The following TMEM132C variants were observed in gnomAD, a reference collection of about 807,000 sequenced individuals.
The protein encoded by TMEM132C is transmembrane protein 132C.
Under a neutral mutation model 61.4 loss-of-function variants are expected in TMEM132C, and 29 were observed. That is an observed-to-expected ratio of 0.47 (90% CI 0.35 to 0.64). The LOEUF (loss-of-function observed/expected upper bound fraction) is 0.64, where lower values mean the gene tolerates loss of function less well. Ranked by LOEUF, TMEM132C falls within the 30% of genes least tolerant of loss-of-function variation. The probability of loss-of-function intolerance (pLI) is 0.00; values close to 1 mark genes in which losing one functional copy is unlikely to be tolerated. For synonymous variants in TMEM132C, 656 were observed against 633.1 expected, an observed-to-expected ratio of 1.04 and a Z score of -0.54; for missense variants, 1,408 against 1,476.9, an observed-to-expected ratio of 0.95 and a Z score of 0.76.
intron 5 of TMEM132C, among the ~76,000 whole-genome samples, chr12:128,692,464 A>T (rs941247208): frequency 2.0e-5 from 3 of 152,248 alleles, no homozygotes; most frequent in African/African-American, 7.2e-5. Context: ...AAGCTTGGCT[A>T]TTCAACAGGG....
intron 2 of TMEM132C, among the ~76,000 whole-genome samples, chr12:128,488,558 G>T (rs1044577364): frequency 6.6e-6 from 1 of 152,058 alleles, no homozygotes; most frequent in Admixed American, 6.5e-5. Flanking sequence ...CTACTGGGGA[G>T]GCTGAGGCAG....
intron 3 of TMEM132C, among the ~76,000 whole-genome samples, chr12:128,606,385 T>C (rs1353903149): frequency 6.6e-6 from 1 of 152,190 alleles, no homozygotes; most frequent in Non-Finnish European, 1.5e-5. Context: ...AACTGGAAGC[T>C]CCCATAGTCT....
At chr12:128,378,263 T>C (rs569994480) in intron 1 of TMEM132C, among the ~76,000 whole-genome samples, 6 of 152,148 alleles carry the variant, frequency 3.9e-5, no homozygotes, top group Non-Finnish European at 8.8e-5. Flanking sequence ...TACAGGAGCC[T>C]GCCACCATGC....
At chr12:128,621,199 G>A (rs780778511) in intron 4 of TMEM132C, among the ~76,000 whole-genome samples, 1 of 152,148 alleles carries the variant, frequency 6.6e-6, no homozygotes, top group Admixed American at 6.5e-5. Flanking sequence ...AGGCACCAGA[G>A]AGAACTGGAG....
At chr12:128,680,880 TA>T (rs35851487) in intron 5 of TMEM132C, among the ~76,000 whole-genome samples, 1 of 152,210 alleles carries the variant, frequency 6.6e-6, no homozygotes, top group African/African-American at 2.4e-5. Flanking sequence ...TGAGTGCACT[TA>T]AATGGAAAGA....
At chr12:128,565,004 A>G (rs1361919597) in intron 3 of TMEM132C, among the ~76,000 whole-genome samples, 1 of 152,216 alleles carries the variant, frequency 6.6e-6, no homozygotes, top group Non-Finnish European at 1.5e-5. Flanking sequence ...TATTATAACT[A>G]ATTAACAAAA....
intron 3 of TMEM132C, among the ~76,000 whole-genome samples, chr12:128,592,055 A>G (rs1409313085): frequency 9.6e-6 from 1 of 104,474 alleles, no homozygotes; most frequent in Non-Finnish European, 2.0e-5. Context: ...CAAAAAAAAA[A>G]AAAGAAAAAA....
intron 1 of TMEM132C, among the ~76,000 whole-genome samples, chr12:128,315,098 G>A (rs1872107551): frequency 6.6e-6 from 1 of 152,206 alleles, no homozygotes; most frequent in Non-Finnish European, 1.5e-5. Context: ...GTCTCGGAAG[G>A]TTCTTCAATG....
At chr12:128,516,028 T>C (rs1872707101) in intron 2 of TMEM132C, among the ~76,000 whole-genome samples, 1 of 152,190 alleles carries the variant, frequency 6.6e-6, no homozygotes. Flanking sequence ...GAGGTCCTTG[T>C]ACTTAGAAAC....
In TMEM132C at chr12:128,446,188, C is replaced by T. The variant is rs186043461; in HGVS notation, c.974+30568C>T. Among the ~76,000 whole-genome samples, 51 of 152,270 alleles carry T rather than the reference C, an allele frequency of 3.3e-4. No individual in the cohort carries two copies. The South Asian group carries it at 3.9e-3, about 12-fold the overall frequency. On this transcript the variant is annotated intron_variant, in intron 2 of 8. Transcript: ENST00000435159. ...CTCCCCATGACCAGGGTGAAATCAG[C>T]GGCAATTTCACAGCAGTCAAACTCA... is the stretch of plus-strand genomic sequence containing the variant.
intron 2 of TMEM132C, among the ~76,000 whole-genome samples, chr12:128,534,265 G>C (rs886716450): frequency 2.0e-5 from 3 of 152,152 alleles, no homozygotes; most frequent in African/African-American, 7.2e-5. Flanking sequence ...AGTGATCAAC[G>C]TGCCTTGTAG....
chr12:128,545,068 C>A (rs1470380742), intron 3 of TMEM132C, among the ~76,000 whole-genome samples: 1 of 152,162 alleles, frequency 6.6e-6, no homozygotes, highest in Non-Finnish European at 1.5e-5. Flanking sequence ...GATCCCATCA[C>A]CCAAGTGGTG....
intron 3 of TMEM132C, among the ~76,000 whole-genome samples, chr12:128,571,720 T>C (rs945211031): frequency 3.3e-5 from 5 of 152,152 alleles, no homozygotes; most frequent in African/African-American, 1.2e-4. Context: ...CTAACTGAAA[T>C]CTGTTGCAGA....
intron 5 of TMEM132C, among the ~76,000 whole-genome samples, chr12:128,686,340 C>T (rs1954676965): frequency 6.6e-6 from 1 of 152,180 alleles, no homozygotes; most frequent in Admixed American, 6.5e-5. Context: ...ATTTAATCCT[C>T]TATAGATTTG....
At chr12:128,616,942 C>T (rs992511513) in intron 4 of TMEM132C, among the ~76,000 whole-genome samples, 5 of 152,156 alleles carry the variant, frequency 3.3e-5, no homozygotes, top group African/African-American at 7.2e-5. Context: ...GTGAATCATG[C>T]TATGAGAAAT....
intron 1 of TMEM132C, among the ~76,000 whole-genome samples, chr12:128,400,563 A>T (rs1875119321): frequency 6.6e-6 from 1 of 150,434 alleles, no homozygotes; most frequent in South Asian, 2.1e-4. Context: ...ACTGCCCGCT[A>T]GATGCTAACA....
chr12:128,279,255 C>G lies in TMEM132C; in HGVS notation c.85+11768C>G, dbSNP rs78905247. ...GAACTGGCCACATAAAAGGAATATACTTCAGAGACAGAATTGGTGCTGTCA... is the reference window on the plus strand; with the variant it reads ...GAACTGGCCACATAAAAGGAATATAGTTCAGAGACAGAATTGGTGCTGTCA... On this transcript the variant is annotated intron_variant, in intron 1 of 8. Coordinates refer to ENST00000435159, the MANE Select transcript of TMEM132C (RefSeq NM_001136103.3). 5.0e-3 allele frequency among the ~76,000 whole-genome samples: 769 copies of G among 152,280 alleles called. 3 individuals carry two copies. Among genetic ancestry groups the G allele is most frequent in the African/African-American group, 0.018 (728 of 41,544 alleles).
chr12:128,509,885 A>C (rs1872515591), intron 2 of TMEM132C, among the ~76,000 whole-genome samples: 1 of 152,240 alleles, frequency 6.6e-6, no homozygotes, highest in African/African-American at 2.4e-5. Context: ...AAAAGAACGT[A>C]TTATTCTGTT....
intron 3 of TMEM132C, among the ~76,000 whole-genome samples, chr12:128,595,070 G>A (rs528155872): frequency 3.9e-5 from 6 of 152,186 alleles, no homozygotes; most frequent in Non-Finnish European, 8.8e-5. Context: ...CACCGCCATC[G>A]GTGAAGCTGG....
Sources: allele counts gnomAD v4.1 joint callset (sites outside exome capture counted in the v4.1 genomes callset), GRCh38; gene constraint gnomAD v4.1.1; transcripts MANE v1.5; gene names NCBI Gene and HGNC (gene_info 2026-07-23, HGNC 2026-07-21).